ADGRV1: variants seen among roughly 807,000 people sequenced by gnomAD.
The protein encoded by ADGRV1 is adhesion G protein-coupled receptor V1.
A neutral mutation model predicts 596.2 loss-of-function variants in ADGRV1; 359 were observed. The ratio of observed to expected loss-of-function variants is 0.60; its 90% CI spans 0.55 to 0.66. The LOEUF (loss-of-function observed/expected upper bound fraction) is 0.66, where lower values mean the gene tolerates loss of function less well. Ranked by LOEUF, ADGRV1 falls within the 30% of genes least tolerant of loss-of-function variation. ADGRV1 has a pLI of 0.00. For synonymous variants in ADGRV1, 2,681 were observed against 2,679.2 expected, an observed-to-expected ratio of 1.00 and a Z score of -0.02; for missense variants, 7,274 against 7,575.6, an observed-to-expected ratio of 0.96 and a Z score of 1.48.
chr5:91,157,404 C>T (rs1796561315), intron 89 of ADGRV1, among the ~76,000 whole-genome samples: 1 of 152,146 alleles, frequency 6.6e-6, no homozygotes, highest in South Asian at 2.1e-4. Context: ...TTGCTAACTA[C>T]CTTAGCAATG....
At position 90,960,007 on chromosome 5, in the gene ADGRV1, C is replaced by T. The variant is rs565235755; in HGVS notation, c.17857-5408C>T. On this transcript the variant is annotated intron_variant, in intron 83 of 89. Coordinates refer to ENST00000405460, the MANE Select transcript of ADGRV1 (RefSeq NM_032119.4). ...ACAAAAAATTAGCTGGGCATGGTGG[C>T]GGGCACCTGTAGTCCCAGCTACTCG... 1.8e-3 allele frequency among the ~76,000 whole-genome samples: 278 copies of T among 151,808 alleles called. 1 individual carries two copies. Among genetic ancestry groups the T allele is most frequent in the Non-Finnish European group, 1.8e-3 (123 of 67,918 alleles).
chr5:90,696,823 A>G lies in ADGRV1; in HGVS notation c.7946-114A>G, dbSNP rs528517178. 6.6e-4 allele frequency: 441 copies of G among 667,844 alleles called. 2 individuals carry two copies. In the African/African-American group the frequency reaches 7.1e-3, roughly 11 times the overall value. The allele number at this position is 667,844 out of a possible 1,614,324, so 41.4% of individuals were successfully genotyped here. Reference sequence around the variant, plus strand: ...TTGCCCATGATATGGAACTGTTATAATTCACTCATATTTTTATTTAACTTT... The same window carrying G: ...TTGCCCATGATATGGAACTGTTATAGTTCACTCATATTTTTATTTAACTTT... On this transcript the variant is annotated intron_variant, in intron 33 of 89. Coordinates refer to ENST00000405460, the MANE Select transcript of ADGRV1 (RefSeq NM_032119.4).
At chr5:91,012,828 A>G (rs1363424367) in intron 85 of ADGRV1, among the ~76,000 whole-genome samples, 1 of 151,948 alleles carries the variant, frequency 6.6e-6, no homozygotes, top group African/African-American at 2.4e-5. Flanking sequence ...TTCAAGTATT[A>G]AGCCTATTAC....
intron 86 of ADGRV1, among the ~76,000 whole-genome samples, chr5:91,090,786 A>G (rs1562205669): frequency 6.6e-6 from 1 of 152,134 alleles, no homozygotes; most frequent in Non-Finnish European, 1.5e-5. Context: ...CAAGCTGCTT[A>G]AATTACCTTC....
chr5:90,978,994 C>G (rs1175042390), intron 84 of ADGRV1, among the ~76,000 whole-genome samples: 1 of 151,786 alleles, frequency 6.6e-6, no homozygotes, highest in East Asian at 1.9e-4. Context: ...TTCTGATAAG[C>G]CTTTGTAAGT....
At chr5:90,837,367 T>G (rs2150348879) in intron 77 of ADGRV1, among the ~76,000 whole-genome samples, 1 of 150,188 alleles carries the variant, frequency 6.7e-6, no homozygotes, top group East Asian at 1.9e-4. Flanking sequence ...TTGATTTTCT[T>G]TTTTTTTTTC....
In ADGRV1 at chr5:91,164,365, CT is replaced by C. The variant is rs1330562059; in HGVS notation, c.*468del. The C allele has an allele frequency of 4.3e-6, 1 of 231,068 alleles. No individual in the cohort carries two copies. Among genetic ancestry groups the C allele is most frequent in the Non-Finnish European group, 8.8e-6 (1 of 113,818 alleles). The allele number at this position is 231,068 out of a possible 1,614,324, so 14.3% of individuals were successfully genotyped here. On this transcript the variant is annotated 3_prime_UTR_variant, in exon 90 of 90. Transcript: ENST00000405460. ...TCAAGACTTCACTGCAACTAGAAGA[CT>C]TTAATTCTGAAAACTGTAAAATGGT...
rs149881945 is a variant in ADGRV1 at position 91,119,334 on chromosome 5, G to A, written c.18432+16994G>A. 1.9e-3 allele frequency among the ~76,000 whole-genome samples: 294 copies of A among 152,328 alleles called. 1 individual carries two copies. The highest frequency in any genetic ancestry group is 6.6e-3 in the African/African-American group (274 of 41,584). On this transcript the variant is annotated intron_variant, in intron 87 of 89. Coordinates refer to ENST00000405460, the MANE Select transcript of ADGRV1 (RefSeq NM_032119.4). The stretch of plus-strand genomic sequence containing the variant: ...CAACTGGGTTCCTGAAGTCAGCCAA[G>A]AGTTGATTGCTTATGTTTTTAGAGC...
intron 83 of ADGRV1, among the ~76,000 whole-genome samples, chr5:90,889,726 A>G (rs1255330295): frequency 2.0e-5 from 3 of 152,100 alleles, no homozygotes; most frequent in South Asian, 4.1e-4. Context: ...ACTTGAGAAT[A>G]CCATATTTAA....
rs114428310 is a variant in ADGRV1, at chr5:90,719,019, A to G, written c.9448-1029A>G. Reference sequence around the variant, plus strand: ...ACTGTAAAGATATATATATACATACATGTAACTACCACTCAGATTAAAATA... The same window carrying G: ...ACTGTAAAGATATATATATACATACGTGTAACTACCACTCAGATTAAAATA... On this transcript the variant is annotated intron_variant, in intron 43 of 89. Coordinates refer to ENST00000405460, the MANE Select transcript of ADGRV1 (RefSeq NM_032119.4). Among the ~76,000 whole-genome samples the G allele has an allele frequency of 9.8e-3, 1,494 of 152,244 alleles. 17 individuals are homozygous for G. The highest frequency in any genetic ancestry group is 0.034 in the African/African-American group (1,424 of 41,528).
At position 90,676,173 on chromosome 5, in the gene ADGRV1, T is replaced by C. The variant is rs377713171; in HGVS notation, c.5407T>C (p.Ser1803Pro). The C allele has an allele frequency of 8.7e-6, 14 of 1,606,708 alleles. No homozygotes were observed. The highest frequency in any genetic ancestry group is 1.2e-5 in the Non-Finnish European group (14 of 1,176,932). The change falls in exon 25 of 90, where the codon TCT becomes CCT. Residue 1803 changes from serine to proline, a missense_variant. By Grantham distance (74) the Ser-to-Pro change is moderately conservative. Around this residue, in one of 5 missense-constraint regions of ADGRV1, gnomAD observed 3,643 missense variants for 3,809.2 expected, o/e 0.96. Coordinates refer to ENST00000405460, the MANE Select transcript of ADGRV1 (RefSeq NM_032119.4). ...TDNSIPELEK[S>P]FKVELLNLEG... ...TAATTCTATTCCTGAACTGGAAAAA[T>C]CTTTTAAAGTTGAGTTGTTAAACTT...
In ADGRV1 at chr5:90,675,275, C is replaced by T; in HGVS notation, c.5143C>T (p.Gln1715Ter). Residue 1715 changes from glutamine to a stop codon, truncating the protein, a stop_gained, in exon 24 of 90, where the codon CAG becomes TAG. Coordinates refer to ENST00000405460, the MANE Select transcript of ADGRV1 (RefSeq NM_032119.4). LOFTEE classifies it high-confidence loss of function. ...GCAGTTCTCCACAGGGCTGCCTCCT[C>T]AGCCTAAGGACGCAATGACCCTGCC... ...LLQFSTGLPP[Q>*]PKDAMTLPAS... 1 of 1,613,682 alleles carries T rather than the reference C, an allele frequency of 6.2e-7. No individual in the cohort carries two copies. The highest frequency in any genetic ancestry group is 1.1e-5 in the South Asian group (1 of 91,018).
At chr5:91,145,208 A>T (rs911164068) in intron 87 of ADGRV1, among the ~76,000 whole-genome samples, 10 of 152,186 alleles carry the variant, frequency 6.6e-5, no homozygotes, top group Admixed American at 6.5e-4. Flanking sequence ...AAAAAAAAAC[A>T]TGCAGCTTTC....
intron 1 of ADGRV1, among the ~76,000 whole-genome samples, chr5:90,561,049 T>C (rs894725129): frequency 2.6e-5 from 4 of 152,216 alleles, no homozygotes; most frequent in African/African-American, 9.6e-5. Context: ...GTCACATTTA[T>C]TGAATATACG....
intron 21 of ADGRV1, among the ~76,000 whole-genome samples, chr5:90,669,247 T>G (rs1772074109): frequency 6.6e-6 from 1 of 152,184 alleles, no homozygotes. Flanking sequence ...AAGTGGAAAT[T>G]AAATCTGATG....
intron 29 of ADGRV1, among the ~76,000 whole-genome samples, 176 bp from the exon 30 acceptor site, chr5:90,689,685 A>AT (rs1746208080): frequency 6.6e-6 from 1 of 152,004 alleles, no homozygotes; most frequent in East Asian, 1.9e-4. Context: ...TATCAAACCC[A>AT]TTTTTCTACT....
intron 87 of ADGRV1, among the ~76,000 whole-genome samples, chr5:91,119,496 A>G (rs975732248): frequency 9.2e-5 from 14 of 152,148 alleles, no homozygotes; most frequent in Non-Finnish European, 1.8e-4. Flanking sequence ...GCCTACCCCC[A>G]TGGTGGCTTT....
At chr5:90,815,016 C>G (rs753345819) in intron 74 of ADGRV1, among the ~76,000 whole-genome samples, 3 of 151,564 alleles carry the variant, frequency 2.0e-5, no homozygotes, top group Non-Finnish European at 4.4e-5. Context: ...TAATGGTACC[C>G]GTAACCTCAA....
At chr5:90,984,285 T>G (rs1780314165) in intron 84 of ADGRV1, among the ~76,000 whole-genome samples, 1 of 152,178 alleles carries the variant, frequency 6.6e-6, no homozygotes, top group Admixed American at 6.5e-5. Flanking sequence ...AGAAGGAGGA[T>G]TTATCCAGGC....
Sources: allele counts gnomAD v4.1 joint callset (sites outside exome capture counted in the v4.1 genomes callset), GRCh38; gene constraint gnomAD v4.1.1; regional missense constraint gnomAD v4.1.1; transcripts MANE v1.5; gene names NCBI Gene and HGNC (gene_info 2026-07-23, HGNC 2026-07-21).